The following PRAC2 variants were observed in gnomAD, a reference collection of about 807,000 sequenced individuals.
PRAC2 encodes PRAC2 small nuclear protein, also known as protein PRAC2.
For missense variants in PRAC2, 92 were observed against 114.5 expected (o/e 0.80, Z 0.90); for synonymous variants, 43 against 49.5 (o/e 0.87, Z 0.55).
chr17:48,722,902 A>G (rs1328042647), upstream of PRAC2, among the ~76,000 whole-genome samples: 5 of 152,098 alleles, frequency 3.3e-5, no homozygotes, highest in African/African-American at 1.2e-4. Context: ...GCATTATTCT[A>G]GGGGCGATTA....
upstream of PRAC2, among the ~76,000 whole-genome samples, chr17:48,722,111 C>G (rs1014833888): frequency 6.6e-6 from 1 of 152,078 alleles, no homozygotes; most frequent in Non-Finnish European, 1.5e-5. Context: ...CCCTTTCTGC[C>G]CAGGGCGGCT....
rs1348177559 is a variant in PRAC2 at position 48,723,592 on chromosome 17, GAACT to G, written c.-84+281_-84+284del. On this transcript the variant is annotated intron_variant, in intron 1 of 1. Transcript: ENST00000422730. ...GAGGGCTTTCCAGCTTCCGGCCCGG[GAACT>G]ACTATTTGGAGTAGGGATCGCCTGC... 7 of 715,422 alleles carry G rather than the reference GAACT, an allele frequency of 9.8e-6. No homozygotes were observed. In the Admixed American group the frequency reaches 1.3e-4, roughly 13 times the overall value. 44.3% of individuals were successfully genotyped at this position (715,422 alleles called of 1,614,324 possible).
At chr17:48,722,433 G>C, upstream of PRAC2, 1 of 1,575,918 alleles carries the variant, frequency 6.3e-7, no homozygotes, top group Non-Finnish European at 8.7e-7. Context: ...AATCCAGCTT[G>C]CCTGACCTTG....
upstream of PRAC2, among the ~76,000 whole-genome samples, chr17:48,719,539 C>G (rs1326588493): frequency 1.3e-5 from 2 of 152,206 alleles, no homozygotes; most frequent in African/African-American, 2.4e-5. Flanking sequence ...CTTGTAAAAC[C>G]GAGCGGCGAC....
upstream of PRAC2, chr17:48,721,604 C>A (rs989727501): frequency 6.9e-6 from 3 of 436,718 alleles, no homozygotes; most frequent in Non-Finnish European, 1.2e-5. Context: ...GGATTACAGC[C>A]ATGAGCCACT....
chr17:48,724,629 G>C lies in PRAC2; in HGVS notation c.219G>C (p.Lys73Asn). 8.1e-7 allele frequency: 1 copy of C among 1,232,194 alleles called. No homozygotes were observed. Among genetic ancestry groups the C allele is most frequent in the East Asian group, 3.2e-5 (1 of 31,688 alleles). The allele number at this position is 1,232,194 out of a possible 1,614,324, so 76.3% of individuals were successfully genotyped here. ...LSTHEAPGRW[K>N]PVAPRTMKAC... ...CCCACGAGGCCCCAGGCCGCTGGAA[G>C]CCTGTAGCTCCGCGGACGATGAAAG... Residue 73 changes from lysine (K) to asparagine (N), a missense_variant, in exon 2 of 2, where the codon AAG becomes AAC. Lys to Asn is a moderately conservative substitution (Grantham distance 94). Coordinates refer to ENST00000422730, the MANE Select transcript of PRAC2 (RefSeq NM_001282275.2).
At chr17:48,723,366 A>C (rs1464579537) in intron 1 of PRAC2, 53 bp downstream of exon 1, 1 of 260,604 alleles carries the variant, frequency 3.8e-6, no homozygotes, top group Non-Finnish European at 7.2e-6. Flanking sequence ...TTTCTATTAG[A>C]CAGGACGGGT....
chr17:48,721,719 T>C, upstream of PRAC2: 7 of 1,293,224 alleles, frequency 5.4e-6, no homozygotes, highest in Non-Finnish European at 7.0e-6. Flanking sequence ...TTTCACCCAG[T>C]TTCCTTTTTT....
In PRAC2 at chr17:48,724,337, A is replaced by C; in HGVS notation, c.-74A>C. The C allele has an allele frequency of 8.1e-7, 1 of 1,233,794 alleles. No individual in the cohort carries two copies. Among genetic ancestry groups the C allele is most frequent in the Non-Finnish European group, 1.0e-6 (1 of 987,668 alleles). 76.4% of individuals were successfully genotyped at this position (1,233,794 alleles called of 1,614,324 possible). A position where few individuals can be genotyped will look rare whatever the true frequency, so the allele number is the denominator to read the frequency against. On this transcript the variant is annotated 5_prime_UTR_variant, in exon 2 of 2. Coordinates refer to ENST00000422730, the MANE Select transcript of PRAC2 (RefSeq NM_001282275.2). The stretch of plus-strand genomic sequence containing the variant: ...AATATTTTTTGCACAGGTTCCATAC[A>C]AGTAAATCCGAAAAAAAGTGTGTGT...
Position 48,724,662 on chromosome 17 carries a change from G to A in PRAC2, c.252G>A (p.Pro84=), listed in dbSNP as rs1261766552. ...CTCCGCGGACGATGAAAGCCTGCCC[G>A]CAGGTTCTCCTGGAGTGGTGAGCCT... ...PVAPRTMKAC[P]QVLLEW is the part of the protein sequence containing the mutation. The change falls in exon 2 of 2, where the codon CCG becomes CCA. Residue 84 remains proline (P), a synonymous_variant. Coordinates refer to ENST00000422730, the MANE Select transcript of PRAC2 (RefSeq NM_001282275.2). 33 of 1,232,068 alleles carry A rather than the reference G, an allele frequency of 2.7e-5. No homozygotes were observed. Among genetic ancestry groups the A allele is most frequent in the Non-Finnish European group, 2.9e-5 (29 of 987,984 alleles). 76.3% of individuals were successfully genotyped at this position (1,232,068 alleles called of 1,614,324 possible).
chr17:48,720,926 A>T (rs2038138962), upstream of PRAC2, among the ~76,000 whole-genome samples: 1 of 152,164 alleles, frequency 6.6e-6, no homozygotes, highest in South Asian at 2.1e-4. Flanking sequence ...AGTTGGTGGT[A>T]GAGGTTAAGC....
At chr17:48,721,277 C>T (rs1371430582), upstream of PRAC2, among the ~76,000 whole-genome samples, 1 of 152,052 alleles carries the variant, frequency 6.6e-6, no homozygotes, top group Non-Finnish European at 1.5e-5. Context: ...TGAGAGGGTG[C>T]AGGAAAGGGA....
chr17:48,721,714 C>T (rs1320993444), upstream of PRAC2: 9 of 1,241,686 alleles, frequency 7.2e-6, no homozygotes, highest in Non-Finnish European at 9.4e-6. Context: ...TTAACTTTCA[C>T]CCAGTTTCCT....
upstream of PRAC2, among the ~76,000 whole-genome samples, chr17:48,720,936 C>T (rs555373717): frequency 3.3e-5 from 5 of 152,160 alleles, no homozygotes; most frequent in African/African-American, 4.8e-5. Context: ...AGAGGTTAAG[C>T]GCTCCTGTTT....
At chr17:48,722,520 C>G (rs2038157127), upstream of PRAC2, 1 of 777,616 alleles carries the variant, frequency 1.3e-6, no homozygotes, top group African/African-American at 1.7e-5. Flanking sequence ...AGAGGAAGGA[C>G]GGGAGCACAG....
At chr17:48,722,371 C>G, upstream of PRAC2, 1 of 1,614,202 alleles carries the variant, frequency 6.2e-7, no homozygotes, top group Non-Finnish European at 8.5e-7. Context: ...GGTCCTTGAT[C>G]TGAGAAATGG....
At chr17:48,722,027 G>A, upstream of PRAC2, 1 of 1,088,524 alleles carries the variant, frequency 9.2e-7, no homozygotes. Context: ...TACAGCGGGT[G>A]CTAGTTCCCA....
chr17:48,723,528 C>T (rs2038168660), intron 1 of PRAC2, among the ~76,000 whole-genome samples: 1 of 152,056 alleles, frequency 6.6e-6, no homozygotes. Context: ...GAGCTGCTCC[C>T]GAGAACTGGG....
intron 1 of PRAC2, chr17:48,723,793 A>G (rs371246376): frequency 1.2e-5 from 15 of 1,228,846 alleles, no homozygotes; most frequent in East Asian, 9.5e-5. Flanking sequence ...GCATTGCGCC[A>G]CTACTCCCTT....
Sources: allele counts gnomAD v4.1 joint callset (sites outside exome capture counted in the v4.1 genomes callset), GRCh38; gene constraint gnomAD v4.1.1; transcripts MANE v1.5; gene names NCBI Gene and HGNC (gene_info 2026-07-23, HGNC 2026-07-21).